The following ST8SIA5 variants were observed in gnomAD, a reference collection of about 807,000 sequenced individuals.
The protein encoded by ST8SIA5 is ST8 alpha-N-acetyl-neuraminide alpha-2,8-sialyltransferase 5, also known as alpha-2,8-sialyltransferase 8E.
In ST8SIA5, 24 loss-of-function variants were observed where a neutral mutation model predicts 40.2. The observed-to-expected ratio is 0.60, with a 90% CI of 0.43 to 0.84. ST8SIA5 has a LOEUF of 0.84. ST8SIA5 is among the 40% of genes least tolerant of loss of function. The pLI, the probability that ST8SIA5 is intolerant of heterozygous loss-of-function variation, is 0.00. For missense variants in ST8SIA5, 465 were observed against 498.5 expected (o/e 0.93, Z 0.64); for synonymous variants, 198 against 201.8 (o/e 0.98, Z 0.16).
intron 1 of ST8SIA5, chr18:46,721,354 G>C (rs1278486645): frequency 1.3e-6 from 2 of 1,535,962 alleles, no homozygotes; most frequent in Admixed American, 2.0e-5. Context: ...TTTTGCCGGG[G>C]TCTGTACCTG....
At chr18:46,718,339 A>AG (rs1375330878) in intron 1 of ST8SIA5, among the ~76,000 whole-genome samples, 3 of 151,670 alleles carry the variant, frequency 2.0e-5, no homozygotes, top group Admixed American at 6.6e-5. Context: ...CAAAAAAAAA[A>AG]AAAAAAGAAA....
At chr18:46,748,555 C>CAA (rs71162822) in intron 1 of ST8SIA5, among the ~76,000 whole-genome samples, 30,132 of 78,102 alleles carry the variant, frequency 0.39, 6,332 homozygotes, top group Middle Eastern at 0.47. Context: ...AACTTCCTCT[C>CAA]AAAAAAAAAA....
At chr18:46,697,517 T>C (rs2039568337) in intron 2 of ST8SIA5, among the ~76,000 whole-genome samples, 1 of 152,116 alleles carries the variant, frequency 6.6e-6, no homozygotes. Flanking sequence ...CTGAGCAATG[T>C]AACAAGATCC....
chr18:46,753,505 A>C (rs992750985), intron 1 of ST8SIA5, among the ~76,000 whole-genome samples: 1 of 151,756 alleles, frequency 6.6e-6, no homozygotes, highest in Non-Finnish European at 1.5e-5. Flanking sequence ...CCCGGGAGGC[A>C]GAGTTTGCAG....
chr18:46,756,593 C>G lies in ST8SIA5; in HGVS notation c.-85G>C. On this transcript the variant is annotated 5_prime_UTR_variant, in exon 1 of 7. Coordinates refer to ENST00000315087, the MANE Select transcript of ST8SIA5 (RefSeq NM_013305.6). ...TTCCGGGGCCCCGGGGGGCGCGCGG[C>G]CGACTTGGCGCCTCACGGTGCGGTC... 2 of 1,462,180 alleles carry G rather than the reference C, an allele frequency of 1.4e-6. No individual in the cohort carries two copies. Among genetic ancestry groups the G allele is most frequent in the Non-Finnish European group, 1.8e-6 (2 of 1,096,854 alleles). The allele number at this position is 1,462,180 out of a possible 1,614,324, so 90.6% of individuals were successfully genotyped here. A position where few individuals can be genotyped will look rare whatever the true frequency, so the allele number is the denominator to read the frequency against.
intron 1 of ST8SIA5, among the ~76,000 whole-genome samples, chr18:46,746,621 A>G (rs1266259756): frequency 6.6e-6 from 1 of 152,236 alleles, no homozygotes; most frequent in Non-Finnish European, 1.5e-5. Context: ...AAGAATCAAT[A>G]TCATGAAAAT....
At chr18:46,718,539 A>G (rs1396154034) in intron 1 of ST8SIA5, among the ~76,000 whole-genome samples, 2 of 152,008 alleles carry the variant, frequency 1.3e-5, no homozygotes, top group African/African-American at 4.8e-5. Context: ...GCCTTTTATG[A>G]GCACTATCTG....
chr18:46,709,752 A>T (rs1294283431), intron 1 of ST8SIA5, among the ~76,000 whole-genome samples: 1 of 152,266 alleles, frequency 6.6e-6, no homozygotes, highest in Admixed American at 6.5e-5. Context: ...GAAGAATTGT[A>T]ACACAATATT....
Position 46,732,156 on chromosome 18 carries a change from C to T in ST8SIA5, c.131+24222G>A, listed in dbSNP as rs541199637. 3.3e-5 allele frequency among the ~76,000 whole-genome samples: 5 copies of T among 152,314 alleles called. No individual in the cohort carries two copies. The South Asian group carries it at 6.2e-4, about 19-fold the overall frequency. On this transcript the variant is annotated intron_variant, in intron 1 of 6. Transcript: ENST00000315087. ...AACACTGTGCAGACCAAATACGACA[C>T]GCTGTAGGCTGCAGACCACCCATTG...
chr18:46,751,142 C>A lies in ST8SIA5; in HGVS notation c.131+5236G>T, dbSNP rs1008471376. On this transcript the variant is annotated intron_variant, in intron 1 of 6. Transcript: ENST00000315087. The stretch of plus-strand genomic sequence containing the variant: ...CATTAAAAGATGACTCCCCATCCCA[C>A]ACCCAGCCCCCAGGAACCACCATTC... Among the ~76,000 whole-genome samples the A allele has an allele frequency of 1.5e-4, 23 of 152,108 alleles. 1 individual carries two copies. The highest frequency in any genetic ancestry group is 5.2e-4 in the Admixed American group (8 of 15,272).
At chr18:46,689,684 C>A (rs1407951171) in intron 3 of ST8SIA5, among the ~76,000 whole-genome samples, 1 of 149,862 alleles carries the variant, frequency 6.7e-6, no homozygotes, top group Admixed American at 6.7e-5. Flanking sequence ...AGTGATTCTT[C>A]TGCCACAGCC....
intron 3 of ST8SIA5, 199 bp from the exon 4 acceptor site, chr18:46,689,118 G>A (rs1385522844): frequency 5.8e-6 from 3 of 517,838 alleles, no homozygotes; most frequent in African/African-American, 2.0e-5. Context: ...GCATGGAGCC[G>A]AGGCCTCTCC....
At chr18:46,725,448 ATG>A (rs370408286) in intron 1 of ST8SIA5, among the ~76,000 whole-genome samples, 2 of 152,106 alleles carry the variant, frequency 1.3e-5, no homozygotes, top group African/African-American at 4.8e-5. Flanking sequence ...GTCCCTTCAC[ATG>A]GCAGTCCCCT....
chr18:46,702,840 A>G (rs945871376), intron 2 of ST8SIA5, among the ~76,000 whole-genome samples: 1 of 152,264 alleles, frequency 6.6e-6, no homozygotes, highest in African/African-American at 2.4e-5. Flanking sequence ...CTCAGGGCTC[A>G]GTGAAACTGA....
At chr18:46,682,725 G>C (rs1269973734) in intron 5 of ST8SIA5, among the ~76,000 whole-genome samples, 1 of 152,156 alleles carries the variant, frequency 6.6e-6, no homozygotes, top group Non-Finnish European at 1.5e-5. Flanking sequence ...AGTTATCTGG[G>C]GGAGTCCAGT....
intron 3 of ST8SIA5, among the ~76,000 whole-genome samples, chr18:46,689,844 C>T (rs188623992): frequency 2.0e-4 from 31 of 151,580 alleles, no homozygotes; most frequent in African/African-American, 7.5e-4. Flanking sequence ...GCCTCTCAGA[C>T]TCCCAAAGTG....
At chr18:46,721,279 G>T in intron 1 of ST8SIA5, 1 of 1,249,322 alleles carries the variant, frequency 8.0e-7, no homozygotes, top group South Asian at 1.3e-5. Flanking sequence ...TTCCACCCTA[G>T]GAAGTGGACA....
chr18:46,754,587 C>G (rs774529937), intron 1 of ST8SIA5, among the ~76,000 whole-genome samples: 5 of 152,146 alleles, frequency 3.3e-5, no homozygotes, highest in Non-Finnish European at 7.3e-5. Context: ...TAGAGTGAGG[C>G]CTGCAAGATA....
intron 1 of ST8SIA5, among the ~76,000 whole-genome samples, chr18:46,711,894 C>T (rs1299506092): frequency 6.6e-6 from 1 of 152,192 alleles, no homozygotes; most frequent in Non-Finnish European, 1.5e-5. Flanking sequence ...CAGGAATTAT[C>T]AGAGCTGTTT....
Sources: allele counts gnomAD v4.1 joint callset (sites outside exome capture counted in the v4.1 genomes callset), GRCh38; gene constraint gnomAD v4.1.1; transcripts MANE v1.5; gene names NCBI Gene and HGNC (gene_info 2026-07-23, HGNC 2026-07-21).